Variants in AVP observed in about 807,000 individuals in gnomAD.
The protein encoded by AVP is vasopressin-neurophysin 2-copeptin.
AVP carries 9 observed loss-of-function variants against 11.1 expected under a neutral mutation model. The ratio of observed to expected loss-of-function variants is 0.81; its 90% confidence interval spans 0.49 to 1.42. The LOEUF (loss-of-function observed/expected upper bound fraction) is 1.42. Among genes scored for constraint, AVP ranks in the 40% most tolerant of loss-of-function variants. AVP has a pLI of 0.00. For synonymous variants in AVP, 106 were observed against 111.3 expected (o/e 0.95, Z 0.30); for missense variants, 206 against 238.5 (o/e 0.86, Z 0.90).
Position 3,083,324 on chromosome 20 carries a change from C to T in AVP, c.121-146G>A. 1.1e-6 allele frequency: 1 copy of T among 911,462 alleles called. No individual in the cohort carries two copies. Among genetic ancestry groups the T allele is most frequent in the Non-Finnish European group, 1.5e-6 (1 of 660,844 alleles). 56.5% of individuals were successfully genotyped at this position (911,462 alleles called of 1,614,324 possible). A position where few individuals can be genotyped will look rare whatever the true frequency, so the allele number is the denominator to read the frequency against. On this transcript the variant is annotated intron_variant, in intron 1 of 2. Transcript: ENST00000380293. This position sits in a 1 kb window ranked among gnomAD's most constrained non-coding sequence, Gnocchi z 5.4. ...TGCGGCTGCAGGCACGCTCGGGCGCCACTGGGCCTCGACCGCGGTCACGGG... is the reference window on the plus strand; with the variant it reads ...TGCGGCTGCAGGCACGCTCGGGCGCTACTGGGCCTCGACCGCGGTCACGGG...
chr20:3,084,505 T>A (rs757827037), intron 1 of AVP, 50 bp downstream of exon 1: 5 of 1,612,258 alleles, frequency 3.1e-6, no homozygotes, highest in Non-Finnish European at 4.2e-6. Flanking sequence ...ACCCAGGGTG[T>A]CAGCACTGCC....
chr20:3,084,329 A>G (rs1216181533), intron 1 of AVP, among the ~76,000 whole-genome samples: 1 of 152,182 alleles, frequency 6.6e-6, no homozygotes, highest in Non-Finnish European at 1.5e-5. Context: ...GGATGGCGAC[A>G]GTGACCAGGA....
chr20:3,083,312 A>C lies in AVP; in HGVS notation c.121-134T>G, dbSNP rs2066121348. Reference sequence around the variant, plus strand: ...GGACACCGGGGCTGCGGCTGCAGGCACGCTCGGGCGCCACTGGGCCTCGAC... The same window carrying C: ...GGACACCGGGGCTGCGGCTGCAGGCCCGCTCGGGCGCCACTGGGCCTCGAC... On this transcript the variant is annotated intron_variant, in intron 1 of 2. Coordinates refer to ENST00000380293, the MANE Select transcript of AVP (RefSeq NM_000490.5). The surrounding 1 kb of genome is among the most constrained non-coding windows in gnomAD (Gnocchi z 5.4). The C allele has an allele frequency of 1.0e-6, 1 of 1,004,320 alleles. No individual in the cohort carries two copies. The highest frequency in any genetic ancestry group is 1.3e-6 in the Non-Finnish European group (1 of 745,972). 62.2% of individuals were successfully genotyped at this position (1,004,320 alleles called of 1,614,324 possible).
At position 3,083,112 on chromosome 20, in the gene AVP, G is replaced by C; in HGVS notation, c.187C>G (p.Leu63Val). 1 of 1,542,932 alleles carries C rather than the reference G, an allele frequency of 6.5e-7. No individual in the cohort carries two copies. The highest frequency in any genetic ancestry group is 1.8e-4 in the Middle Eastern group (1 of 5,532). ...TCAGCCGTGCCCACGAAGCAGCCCA[G>C]CTCGTCCGCGCAGCAGATGCTGGGC... is the stretch of plus-strand genomic sequence containing the variant. ...FGPSICCADE[L>V]GCFVGTAEAL... The change falls in exon 2 of 3, where the codon CTG (leucine) becomes GTG (valine). Residue 63 changes from leucine to valine, a missense_variant. Leu to Val is a conservative substitution (Grantham distance 32). This residue lies in a region of AVP where 100 missense variants were observed against 149.3 expected (regional missense o/e 0.67). Transcript: ENST00000380293. This position sits in a 1 kb window ranked among gnomAD's most constrained non-coding sequence, Gnocchi z 5.4.
At position 3,083,379 on chromosome 20, in the gene AVP, G is replaced by A. The variant is rs2148571125; in HGVS notation, c.121-201C>T. 6.6e-6 allele frequency among the ~76,000 whole-genome samples: 1 copy of A among 152,284 alleles called. No individual in the cohort carries two copies. Among genetic ancestry groups the A allele is most frequent in the South Asian group, 2.1e-4 (1 of 4,814 alleles). ...GCGTCCAGATCTGCTCGGCACCTTG[G>A]TTTCTTGGATGACCTCTCGGTGACA... On this transcript the variant is annotated intron_variant, in intron 1 of 2. Coordinates refer to ENST00000380293, the MANE Select transcript of AVP (RefSeq NM_000490.5). The surrounding 1 kb of genome is among the most constrained non-coding windows in gnomAD (Gnocchi z 5.4).
At position 3,082,893 on chromosome 20, in the gene AVP, G is replaced by GGCCCCCCC; in HGVS notation, c.322+83_322+84insGGGGGGGC. 39 of 1,191,358 alleles carry GGCCCCCCC rather than the reference G, an allele frequency of 3.3e-5. No homozygotes were observed. Among genetic ancestry groups the GGCCCCCCC allele is most frequent in the Non-Finnish European group, 3.9e-5 (37 of 953,694 alleles). The allele number at this position is 1,191,358 out of a possible 1,614,324, so 73.8% of individuals were successfully genotyped here. A position where few individuals can be genotyped will look rare whatever the true frequency, so the allele number is the denominator to read the frequency against. On this transcript the variant is annotated intron_variant, in intron 2 of 2. Transcript: ENST00000380293. The surrounding 1 kb of genome is among the most constrained non-coding windows in gnomAD (Gnocchi z 4.7). Reference sequence around the variant, plus strand: ...CACCCTCCCTGCCGGGCCCGACGCAGCCCCCACCCCGCCGCAGGCCCGCGT... The same window carrying GGCCCCCCC: ...CACCCTCCCTGCCGGGCCCGACGCAGGCCCCCCCCCCCCACCCCGCCGCAGGCCCGCGT...
chr20:3,084,697 C>T lies in AVP; in HGVS notation c.-23G>A, dbSNP rs747763736. 5.0e-6 allele frequency: 8 copies of T among 1,612,270 alleles called. No homozygotes were observed. The highest frequency in any genetic ancestry group is 3.3e-5 in the Admixed American group (2 of 60,020). ...CATCCTGGTGCACACAGGTGGACCC[C>T]GTATGCAGCACTGCTTGGTGGCTCT... On this transcript the variant is annotated 5_prime_UTR_variant, in exon 1 of 3. Coordinates refer to ENST00000380293, the MANE Select transcript of AVP (RefSeq NM_000490.5).
Position 3,082,719 on chromosome 20 carries a change from C to G in AVP, c.406G>C (p.Asp136His). Reference sequence around the variant, plus strand: ...AGCAGCAAGGCCCCGGCCGGCCCGTCCAGCTGCGTGGCGTTGCTCCGGTCG... The same window carrying G: ...AGCAGCAAGGCCCCGGCCGGCCCGTGCAGCTGCGTGGCGTTGCTCCGGTCG... ...ASDRSNATQL[D>H]GPAGALLLRL... The change falls in exon 3 of 3, where the codon GAC becomes CAC. Residue 136 changes from aspartate (D) to histidine (H), a missense_variant. Around this residue, in one of 2 missense-constraint regions of AVP, gnomAD observed 106 missense variants for 89.2 expected, o/e 1.19. Coordinates refer to ENST00000380293, the MANE Select transcript of AVP (RefSeq NM_000490.5). This position sits in a 1 kb window ranked among gnomAD's most constrained non-coding sequence, Gnocchi z 4.7. 7.7e-7 allele frequency: 1 copy of G among 1,292,674 alleles called. No homozygotes were observed. The highest frequency in any genetic ancestry group is 9.8e-7 in the Non-Finnish European group (1 of 1,023,602). The allele number at this position is 1,292,674 out of a possible 1,614,324, so 80.1% of individuals were successfully genotyped here. A position where few individuals can be genotyped will look rare whatever the true frequency, so the allele number is the denominator to read the frequency against.
chr20:3,083,845 G>C lies in AVP; in HGVS notation c.121-667C>G, dbSNP rs188001400. ...AGGAAGAGAGGCTGCGGGGGTTGCC[G>C]AGCGGCCACTCTCATCTGCTCAACA... is the stretch of plus-strand genomic sequence containing the variant. On this transcript the variant is annotated intron_variant, in intron 1 of 2. Coordinates refer to ENST00000380293, the MANE Select transcript of AVP (RefSeq NM_000490.5). This position sits in a 1 kb window ranked among gnomAD's most constrained non-coding sequence, Gnocchi z 5.4. 9.8e-3 allele frequency among the ~76,000 whole-genome samples: 1,491 copies of C among 152,316 alleles called. 31 individuals are homozygous for C. Among genetic ancestry groups the C allele is most frequent in the African/African-American group, 0.035 (1,435 of 41,576 alleles).
At position 3,082,772 on chromosome 20, in the gene AVP, T is replaced by A; in HGVS notation, c.353A>T (p.Glu118Val). The change falls in exon 3 of 3, where the codon GAG becomes GTG. Residue 118 changes from glutamate (E) to valine (V), a missense_variant. Coordinates refer to ENST00000380293, the MANE Select transcript of AVP (RefSeq NM_000490.5). This position sits in a 1 kb window ranked among gnomAD's most constrained non-coding sequence, Gnocchi z 4.7. ...GGCGCGGGCGCGGCGGTGAAAGCCC[T>A]CGCGGCACTCGGGCTCGGTCACGCA... is the stretch of plus-strand genomic sequence containing the variant. ...ESCVTEPECR[E>V]GFHRRARASD... 7.9e-7 allele frequency: 1 copy of A among 1,262,504 alleles called. No homozygotes were observed. Among genetic ancestry groups the A allele is most frequent in the Non-Finnish European group, 9.9e-7 (1 of 1,006,330 alleles). 78.2% of individuals were successfully genotyped at this position (1,262,504 alleles called of 1,614,324 possible).
Position 3,082,634 on chromosome 20 carries a change from T to C in AVP, c.491A>G (p.Tyr164Cys), listed in dbSNP as rs2066115313. 6 of 1,264,274 alleles carry C rather than the reference T, an allele frequency of 4.7e-6. No individual in the cohort carries two copies. Among genetic ancestry groups the C allele is most frequent in the Non-Finnish European group, 5.0e-6 (5 of 1,008,162 alleles). 78.3% of individuals were successfully genotyped at this position (1,264,274 alleles called of 1,614,324 possible). The change falls in exon 3 of 3, where the codon TAC (tyrosine) becomes TGC (cysteine). Residue 164 changes from tyrosine to cysteine, a missense_variant. Physicochemically the swap from Tyr to Cys is radical, Grantham distance 194. Around this residue, in one of 2 missense-constraint regions of AVP, gnomAD observed 106 missense variants for 89.2 expected, o/e 1.19. Transcript: ENST00000380293. This position sits in a 1 kb window ranked among gnomAD's most constrained non-coding sequence, Gnocchi z 4.7. ...EPFEPAQPDA[Y>C] The stretch of plus-strand genomic sequence containing the variant: ...CCGGTGGGGCGAGCGCGGGGCTCAG[T>C]AGGCGTCGGGCTGGGCGGGCTCGAA...
At position 3,082,949 on chromosome 20, in the gene AVP, C is replaced by G; in HGVS notation, c.322+28G>C. ...CCACCCAAGCGGTCTGCGCCCCCCC[C>G]AGCCCCAGGCCCGCCCCCGCCGCGC... is the stretch of plus-strand genomic sequence containing the variant. On this transcript the variant is annotated intron_variant, in intron 2 of 2. Transcript: ENST00000380293. This position sits in a 1 kb window ranked among gnomAD's most constrained non-coding sequence, Gnocchi z 4.7. 1.5e-6 allele frequency: 2 copies of G among 1,351,280 alleles called. No homozygotes were observed. The highest frequency in any genetic ancestry group is 1.7e-5 in the South Asian group (1 of 57,704). 83.7% of individuals were successfully genotyped at this position (1,351,280 alleles called of 1,614,324 possible).
Position 3,084,641 on chromosome 20 carries a change from C to T in AVP, c.34G>A (p.Gly12Ser), listed in dbSNP as rs747930681. 8.1e-6 allele frequency: 13 copies of T among 1,613,584 alleles called. No individual in the cohort carries two copies. Among genetic ancestry groups the T allele is most frequent in the Middle Eastern group, 1.6e-4 (1 of 6,084 alleles). The change falls in exon 1 of 3, where the codon GGC becomes AGC. Residue 12 changes from glycine (G) to serine (S), a missense_variant. By Grantham distance (56) the Gly-to-Ser change is moderately conservative. This residue lies in a region of AVP where 100 missense variants were observed against 149.3 expected (regional missense o/e 0.67). Transcript: ENST00000380293. ...CACGCGGAGGAGAAGGCCAGTAGGC[C>T]GAGGAAGCAGGCGGGCAGCATGGTG... ...PDTMLPACFL[G>S]LLAFSSACYF...
Position 3,082,959 on chromosome 20 carries a change from C to T in AVP, c.322+18G>A, listed in dbSNP as rs1275007161. The T allele has an allele frequency of 2.4e-6, 3 of 1,226,450 alleles. No homozygotes were observed. The highest frequency in any genetic ancestry group is 3.2e-5 in the Admixed American group (1 of 31,470). The allele number at this position is 1,226,450 out of a possible 1,614,324, so 76.0% of individuals were successfully genotyped here. A position where few individuals can be genotyped will look rare whatever the true frequency, so the allele number is the denominator to read the frequency against. On this transcript the variant is annotated intron_variant, in intron 2 of 2. Transcript: ENST00000380293. The surrounding 1 kb of genome is among the most constrained non-coding windows in gnomAD (Gnocchi z 4.7). ...GGTCTGCGCCCCCCCCAGCCCCAGG[C>T]CCGCCCCCGCCGCGCACCGTCGTTG...
At position 3,083,263 on chromosome 20, in the gene AVP, G is replaced by C. The variant is rs1320770475; in HGVS notation, c.121-85C>G. ...GAACGCAGCGAGGCGGGGATGCTGG[G>C]GTCCAGGGCTCGGAGTGCGGGCGGG... On this transcript the variant is annotated intron_variant, in intron 1 of 2. Coordinates refer to ENST00000380293, the MANE Select transcript of AVP (RefSeq NM_000490.5). The surrounding 1 kb of genome is among the most constrained non-coding windows in gnomAD (Gnocchi z 5.4). 4 of 1,313,012 alleles carry C rather than the reference G, an allele frequency of 3.0e-6. No homozygotes were observed. The highest frequency in any genetic ancestry group is 1.5e-5 in the African/African-American group (1 of 64,898). The allele number at this position is 1,313,012 out of a possible 1,614,324, so 81.3% of individuals were successfully genotyped here.
chr20:3,082,949 C>CG lies in AVP; in HGVS notation c.322+27_322+28insC, dbSNP rs757686786. 32 of 1,351,178 alleles carry CG rather than the reference C, an allele frequency of 2.4e-5. No individual in the cohort carries two copies. Among genetic ancestry groups the CG allele is most frequent in the Non-Finnish European group, 2.8e-5 (29 of 1,053,978 alleles). The allele number at this position is 1,351,178 out of a possible 1,614,324, so 83.7% of individuals were successfully genotyped here. A position where few individuals can be genotyped will look rare whatever the true frequency, so the allele number is the denominator to read the frequency against. ...CCACCCAAGCGGTCTGCGCCCCCCC[C>CG]AGCCCCAGGCCCGCCCCCGCCGCGC... On this transcript the variant is annotated intron_variant, in intron 2 of 2. Transcript: ENST00000380293. The surrounding 1 kb of genome is among the most constrained non-coding windows in gnomAD (Gnocchi z 4.7).
intron 1 of AVP, 53 bp downstream of exon 1, chr20:3,084,502 G>A (rs929961154): frequency 3.1e-6 from 5 of 1,611,856 alleles, no homozygotes; most frequent in East Asian, 2.2e-5. Context: ...CTGACCCAGG[G>A]TGTCAGCACT....
At position 3,082,803 on chromosome 20, in the gene AVP, C is replaced by G; in HGVS notation, c.323-1G>C. ...CACTCGGGCTCGGTCACGCAGCTCT[C>G]TGCCGGGAGGACGTGTGAGCACGGG... is the stretch of plus-strand genomic sequence containing the variant. On this transcript the variant is annotated splice_acceptor_variant, in intron 2 of 2. Transcript: ENST00000380293. LOFTEE classifies it high-confidence loss of function. This position sits in a 1 kb window ranked among gnomAD's most constrained non-coding sequence, Gnocchi z 4.7. 1 of 1,241,632 alleles carries G rather than the reference C, an allele frequency of 8.1e-7. No individual in the cohort carries two copies. Among genetic ancestry groups the G allele is most frequent in the Non-Finnish European group, 1.0e-6 (1 of 995,164 alleles). 76.9% of individuals were successfully genotyped at this position (1,241,632 alleles called of 1,614,324 possible).
chr20:3,082,906 CG>C lies in AVP; in HGVS notation c.322+70del. 4 of 731,424 alleles carry C rather than the reference CG, an allele frequency of 5.5e-6. No homozygotes were observed. The highest frequency in any genetic ancestry group is 7.2e-6 in the Non-Finnish European group (4 of 554,454). The allele number at this position is 731,424 out of a possible 1,614,324, so 45.3% of individuals were successfully genotyped here. ...GGGCCCGACGCAGCCCCCACCCCGCCGCAGGCCCGCGTCCCCCCCACCCAAG... is the reference window on the plus strand; with the variant it reads ...GGGCCCGACGCAGCCCCCACCCCGCCCAGGCCCGCGTCCCCCCCACCCAAG... On this transcript the variant is annotated intron_variant, in intron 2 of 2. Coordinates refer to ENST00000380293, the MANE Select transcript of AVP (RefSeq NM_000490.5). The surrounding 1 kb of genome is among the most constrained non-coding windows in gnomAD (Gnocchi z 4.7).
Sources: allele counts gnomAD v4.1 joint callset (sites outside exome capture counted in the v4.1 genomes callset), GRCh38; gene constraint gnomAD v4.1.1; regional missense constraint gnomAD v4.1.1; non-coding constraint Gnocchi (gnomAD v3.1); transcripts MANE v1.5; gene names NCBI Gene and HGNC (gene_info 2026-07-23, HGNC 2026-07-21).